Variants in POLE observed in about 807,000 individuals in gnomAD.
POLE encodes DNA polymerase epsilon catalytic subunit A.
In POLE, 188 loss-of-function variants were observed where a neutral mutation model predicts 279.2. The ratio of observed to expected loss-of-function variants is 0.67; its 90% CI spans 0.60 to 0.76. POLE has a LOEUF of 0.76. POLE is among the 30% of genes least tolerant of loss of function. The pLI is 0.00. For missense variants in POLE, 2,703 were observed against 3,016.7 expected, an observed-to-expected ratio of 0.90 and a Z score of 2.44; for synonymous variants, 1,214 against 1,172.5, an observed-to-expected ratio of 1.04 and a Z score of -0.72.
In POLE at chr12:132,657,344, CT is replaced by C. The variant is rs1259885948; in HGVS notation, c.3459+4del. On this transcript the variant is annotated splice_donor_region_variant and intron_variant, in intron 28 of 48. Coordinates refer to ENST00000320574, the MANE Select transcript of POLE (RefSeq NM_006231.4). ...CACAGCCCGTGCCACTGACCCCGCC[CT>C]TACCTGCTGCAGGGCCGCAGGGATG... The C allele has an allele frequency of 6.2e-7, 1 of 1,614,056 alleles. No homozygotes were observed. Among genetic ancestry groups the C allele is most frequent in the Non-Finnish European group, 8.5e-7 (1 of 1,180,040 alleles).
At chr12:132,670,825 A>G (rs1300611471) in intron 16 of POLE, among the ~76,000 whole-genome samples, 2 of 152,112 alleles carry the variant, frequency 1.3e-5, no homozygotes, top group Non-Finnish European at 2.9e-5. Flanking sequence ...TGTTATTCAG[A>G]CAAGGCTCTC....
chr12:132,624,827 G>T lies in POLE; in HGVS notation c.6748-17C>A. On this transcript the variant is annotated splice_polypyrimidine_tract_variant and intron_variant, in intron 48 of 48. Transcript: ENST00000320574. Reference sequence around the variant, plus strand: ...CATGAAGACCTGCAGGAATAAACAGGCACAGTGAGACCCCAGTCCACTCAG... The same window carrying T: ...CATGAAGACCTGCAGGAATAAACAGTCACAGTGAGACCCCAGTCCACTCAG... 1 of 1,595,556 alleles carries T rather than the reference G, an allele frequency of 6.3e-7. No individual in the cohort carries two copies. The highest frequency in any genetic ancestry group is 8.6e-7 in the Non-Finnish European group (1 of 1,163,126).
At chr12:132,626,827 A>G (rs1462485944) in intron 45 of POLE, among the ~76,000 whole-genome samples, 2 of 152,264 alleles carry the variant, frequency 1.3e-5, no homozygotes, top group Non-Finnish European at 2.9e-5. Context: ...TTTTCAACAA[A>G]TGGTTCTTGA....
Position 132,665,478 on chromosome 12 carries a change from T to G in POLE, c.2320-28A>C, listed in dbSNP as rs199693164. On this transcript the variant is annotated intron_variant, in intron 20 of 48. Transcript: ENST00000320574. ...GAGAAGCACATGAACATGGAGCACC[T>G]CACAGATTCTTCCATTTCACATTCT... is the stretch of plus-strand genomic sequence containing the variant. 2.7e-4 allele frequency: 425 copies of G among 1,582,364 alleles called. 3 individuals carry two copies. Among genetic ancestry groups the G allele is most frequent in the Admixed American group, 1.4e-4 (8 of 58,396 alleles).
intron 20 of POLE, among the ~76,000 whole-genome samples, chr12:132,666,315 C>T (rs577838006): frequency 4.6e-5 from 7 of 152,360 alleles, no homozygotes; most frequent in South Asian, 2.1e-4. Flanking sequence ...AGACTGGGCG[C>T]GGTGGCTCAC....
Position 132,625,744 on chromosome 12 carries a change from G to C in POLE, c.6558C>G (p.Leu2186=). ...CGTAGGGCGCCTGACAGTTGGAGCA[G>C]AGCCACTGAGGCAGGACCGCCCCAT... ...SEDGAVLPQW[L]CSNCQAPYDS... Residue 2186 remains leucine, a synonymous_variant, in exon 47 of 49, where the codon CTC becomes CTG. Transcript: ENST00000320574. 6.2e-7 allele frequency: 1 copy of C among 1,612,552 alleles called. No individual in the cohort carries two copies. The highest frequency in any genetic ancestry group is 8.5e-7 in the Non-Finnish European group (1 of 1,180,016).
Position 132,668,480 on chromosome 12 carries a change from G to A in POLE, c.2049C>T (p.Tyr683=), listed in dbSNP as rs1196356920. 6.2e-7 allele frequency: 1 copy of A among 1,604,698 alleles called. No individual in the cohort carries two copies. Among genetic ancestry groups the A allele is most frequent in the Non-Finnish European group, 8.5e-7 (1 of 1,175,046 alleles). ...ACTCCAGCTGGTGCTGGATCCGATG[G>A]TATTCGCTGCGACTGGCTGGCACTG... ...GEFMPASRSE[Y]HRIQHQLESE... Residue 683 remains tyrosine (Y), a synonymous_variant, in exon 19 of 49, where the codon TAC becomes TAT. Coordinates refer to ENST00000320574, the MANE Select transcript of POLE (RefSeq NM_006231.4). This position sits in a 1 kb window ranked among gnomAD's most constrained non-coding sequence, Gnocchi z 4.0.
In POLE at chr12:132,675,324, GCA is replaced by G. The variant is rs2043020270; in HGVS notation, c.1226+72_1226+73del. 2 of 1,558,612 alleles carry G rather than the reference GCA, an allele frequency of 1.3e-6. No homozygotes were observed. Among genetic ancestry groups the G allele is most frequent in the Non-Finnish European group, 1.7e-6 (2 of 1,149,242 alleles). On this transcript the variant is annotated intron_variant, in intron 12 of 48. Transcript: ENST00000320574. This position sits in a 1 kb window ranked among gnomAD's most constrained non-coding sequence, Gnocchi z 4.3. ...CCTCCTCCCATGAGATGTGGTGACA[GCA>G]CAGTCTGCAAGAGGCCTTCAGATCT...
At chr12:132,630,282 C>T (rs541544649) in intron 45 of POLE, among the ~76,000 whole-genome samples, 211 of 152,324 alleles carry the variant, frequency 1.4e-3, no homozygotes, top group African/African-American at 4.9e-3. Context: ...TATAAAAATA[C>T]AGGTAACCGC....
Position 132,643,969 on chromosome 12 carries a change from C to A in POLE, c.4158G>T (p.Arg1386=), listed in dbSNP as rs1473134331. ...AGACCATGTTGGAGCGAGGAAGGACCCGATTTACCTGGCGAGAATACGACG... is the reference window on the plus strand; with the variant it reads ...AGACCATGTTGGAGCGAGGAAGGACACGATTTACCTGGCGAGAATACGACG... The part of the protein sequence containing the change: ...EEGASYRKVN[R]VLPRSNMVYN... Residue 1386 remains arginine (R), a synonymous_variant, in exon 33 of 49, where the codon CGG becomes CGT. Coordinates refer to ENST00000320574, the MANE Select transcript of POLE (RefSeq NM_006231.4). 6.2e-7 allele frequency: 1 copy of A among 1,613,006 alleles called. No homozygotes were observed.
In POLE at chr12:132,643,934, T is replaced by C. The variant is rs878854868; in HGVS notation, c.4193A>G (p.Tyr1398Cys). 10 of 1,613,914 alleles carry C rather than the reference T, an allele frequency of 6.2e-6. No homozygotes were observed. Among genetic ancestry groups the C allele is most frequent in the Non-Finnish European group, 7.6e-6 (9 of 1,179,944 alleles). The change falls in exon 33 of 49, where the codon TAT becomes TGT. Residue 1398 changes from tyrosine (Y) to cysteine (C), a missense_variant. Coordinates refer to ENST00000320574, the MANE Select transcript of POLE (RefSeq NM_006231.4). ...LPRSNMVYNL[Y>C]EYSVPEDMYQ... Reference sequence around the variant, plus strand: ...CATGTCCTCTGGCACTGAATACTCATAGAGATTGTAGACCATGTTGGAGCG... The same window carrying C: ...CATGTCCTCTGGCACTGAATACTCACAGAGATTGTAGACCATGTTGGAGCG...
chr12:132,672,559 C>T (rs1447996429), intron 15 of POLE, 68 bp downstream of exon 15: 3 of 1,501,664 alleles, frequency 2.0e-6, no homozygotes, highest in East Asian at 4.5e-5. Flanking sequence ...TATTTCAGCC[C>T]CTGCAGCTTC....
intron 1 of POLE, among the ~76,000 whole-genome samples, chr12:132,682,791 A>C (rs951537456): frequency 6.6e-6 from 1 of 151,722 alleles, no homozygotes; most frequent in Non-Finnish European, 1.5e-5. Flanking sequence ...GTCTCTACTA[A>C]AAATACGAAA....
rs2042563240 is a variant in POLE at position 132,657,213 on chromosome 12, T to G, written c.3505A>C (p.Lys1169Gln). The change falls in exon 29 of 49, where the codon AAA becomes CAA. Residue 1169 changes from lysine (K) to glutamine (Q), a missense_variant. Lys to Gln is a moderately conservative substitution (Grantham distance 53, BLOSUM62 1). Around this residue, in one of 5 missense-constraint regions of POLE, gnomAD observed 1,551 missense variants for 1,686.1 expected, o/e 0.92. Coordinates refer to ENST00000320574, the MANE Select transcript of POLE (RefSeq NM_006231.4). The part of the protein sequence containing the change: ...PRVKHPDWLH[K>Q]KLLEKNDVYK... ...ACATCATTCTTCTCCAGCAGTTTTT[T>G]GTGCAGCCAGTCGGGGTGTTTGACA... The G allele has an allele frequency of 5.0e-6, 8 of 1,613,954 alleles. No homozygotes were observed. Among genetic ancestry groups the G allele is most frequent in the Non-Finnish European group, 6.8e-6 (8 of 1,179,918 alleles).
chr12:132,638,913 G>A lies in POLE; in HGVS notation c.5552+212C>T, dbSNP rs1465639581. 46 of 575,412 alleles carry A rather than the reference G, an allele frequency of 8.0e-5. No homozygotes were observed. The Admixed American group carries it at 1.4e-3, about 18-fold the overall frequency. The allele number at this position is 575,412 out of a possible 1,614,324, so 35.6% of individuals were successfully genotyped here. A position where few individuals can be genotyped will look rare whatever the true frequency, so the allele number is the denominator to read the frequency against. On this transcript the variant is annotated intron_variant, in intron 40 of 48. Coordinates refer to ENST00000320574, the MANE Select transcript of POLE (RefSeq NM_006231.4). ...TGTGCAGGAAAGGGGCAGGAGAGGAGGTGCCACCTAGTGTTCTCTGCAGGA... is the reference window on the plus strand; with the variant it reads ...TGTGCAGGAAAGGGGCAGGAGAGGAAGTGCCACCTAGTGTTCTCTGCAGGA...
rs2135962438 is a variant in POLE at position 132,665,461 on chromosome 12, C to T, written c.2320-11G>A. On this transcript the variant is annotated splice_polypyrimidine_tract_variant and intron_variant, in intron 20 of 48. Transcript: ENST00000320574. ...CTTCTTTTTCCACACCTGAGAAGCA[C>T]ATGAACATGGAGCACCTCACAGATT... The T allele has an allele frequency of 1.2e-6, 2 of 1,602,682 alleles. No individual in the cohort carries two copies. Among genetic ancestry groups the T allele is most frequent in the Non-Finnish European group, 8.5e-7 (1 of 1,174,630 alleles).
At chr12:132,657,038 C>G in intron 29 of POLE, 98 bp downstream of exon 29, 2 of 1,331,886 alleles carry the variant, frequency 1.5e-6, no homozygotes, top group Admixed American at 4.1e-5. Flanking sequence ...GATGCTTGAA[C>G]AGAAGCTTCA....
chr12:132,644,410 C>G (rs1206579251), intron 32 of POLE, among the ~76,000 whole-genome samples: 1 of 149,086 alleles, frequency 6.7e-6, no homozygotes, highest in Non-Finnish European at 1.5e-5. Flanking sequence ...AAGTGATCCT[C>G]CCAAATCGCT....
intron 46 of POLE, 132 bp from the exon 47 acceptor site, chr12:132,625,902 G>T: frequency 1.5e-6 from 2 of 1,299,040 alleles, no homozygotes; most frequent in Non-Finnish European, 2.1e-6. Context: ...GCAGCTGCAC[G>T]CACTCTGGCC....
Sources: allele counts gnomAD v4.1 joint callset (sites outside exome capture counted in the v4.1 genomes callset), GRCh38; gene constraint gnomAD v4.1.1; regional missense constraint gnomAD v4.1.1; non-coding constraint Gnocchi (gnomAD v3.1); transcripts MANE v1.5; gene names NCBI Gene and HGNC (gene_info 2026-07-23, HGNC 2026-07-21).